PAX4: variants seen among roughly 807,000 people sequenced by gnomAD.
PAX4 encodes the protein paired box 4.
In PAX4, 33 loss-of-function variants were observed where a neutral mutation model predicts 40.6. The observed-to-expected ratio is 0.81, with a 90% CI of 0.62 to 1.09. PAX4 has a LOEUF of 1.09. Among genes scored for constraint, PAX4 ranks in the 50% least tolerant of loss-of-function variants. The pLI is 0.00. For missense variants in PAX4, 459 were observed against 442.5 expected (o/e 1.04, Z -0.33); for synonymous variants, 174 against 170.6 (o/e 1.02, Z -0.16).
chr7:127,614,996 G>A lies in PAX4; in HGVS notation c.244C>T (p.Pro82Ser), dbSNP rs1268605378. The change falls in exon 5 of 12, where the codon CCC becomes TCC. Residue 82 changes from proline (P) to serine (S), a missense_variant. Coordinates refer to ENST00000639438, the MANE Select transcript of PAX4 (RefSeq NM_001366110.1). ...TGGGCAATTCGAGCCACCACAGGGG[G>A]TGTAGCCAGCCGTGGCTTGCTTCCC... ...IGGSKPRLAT[P>S]PVVARIAQLK... 1 of 1,614,078 alleles carries A rather than the reference G, an allele frequency of 6.2e-7. No homozygotes were observed. Among genetic ancestry groups the A allele is most frequent in the Non-Finnish European group, 8.5e-7 (1 of 1,180,044 alleles).
Position 127,615,948 on chromosome 7 carries a change from C to A in PAX4, c.-20G>T, listed in dbSNP as rs1794718542. The A allele has an allele frequency of 6.5e-7, 1 of 1,536,068 alleles. No individual in the cohort carries two copies. The highest frequency in any genetic ancestry group is 2.4e-5 in the East Asian group (1 of 40,902). ...ATGCATGCTCCAGGCTGACCCTCCT[C>A]AGAAGGATGAGACTCCAGCTGGGAA... On this transcript the variant is annotated 5_prime_UTR_variant, in exon 3 of 12. Coordinates refer to ENST00000639438, the MANE Select transcript of PAX4 (RefSeq NM_001366110.1).
chr7:127,614,580 T>C, intron 5 of PAX4, 23 bp from the exon 6 acceptor site: 1 of 1,565,446 alleles, frequency 6.4e-7, no homozygotes, highest in Non-Finnish European at 8.7e-7. Context: ...GGGTGTTGAG[T>C]GGAGAGATGG....
At position 127,611,079 on chromosome 7, in the gene PAX4, C is replaced by T. The variant is rs1046800450; in HGVS notation, c.1041G>A (p.Leu347=). The T allele has an allele frequency of 3.1e-6, 5 of 1,606,470 alleles. No homozygotes were observed. The highest frequency in any genetic ancestry group is 4.3e-6 in the Non-Finnish European group (5 of 1,175,816). The change falls in exon 12 of 12, where the codon CTG becomes CTA. Residue 347 remains leucine, a synonymous_variant. Coordinates refer to ENST00000639438, the MANE Select transcript of PAX4 (RefSeq NM_001366110.1). ...QALLWPGCPL[L]YGLE ...CACTCCTGCCTCATTCCAAGCCATA[C>T]AGTAGTGGGCAGCCAGGCCAGAGCA...
chr7:127,611,436 C>A, intron 11 of PAX4, 99 bp downstream of exon 11: 2 of 1,595,850 alleles, frequency 1.3e-6, no homozygotes, highest in Non-Finnish European at 1.7e-6. Flanking sequence ...TATTGAGATT[C>A]CTTTGATGAC....
chr7:127,614,770 G>A, intron 5 of PAX4, 110 bp downstream of exon 5: 1 of 1,451,962 alleles, frequency 6.9e-7, no homozygotes, highest in Admixed American at 2.0e-5. Flanking sequence ...GAATTGCCCA[G>A]GAGCCCTGTC....
At position 127,613,489 on chromosome 7, in the gene PAX4, C is replaced by T. The variant is rs1794669843; in HGVS notation, c.606G>A (p.Lys202=). The change falls in exon 8 of 12, where the codon AAG becomes AAA. Residue 202 remains lysine, a synonymous_variant. Transcript: ENST00000639438. The part of the protein sequence containing the change: ...GQYPDSVARG[K]LATATSLPED... ...CAGGCAGAGAGGTGGCAGTAGCCAG[C>T]TTTCCACGGGCCACTGAATCAGGAT... 1 of 1,614,132 alleles carries T rather than the reference C, an allele frequency of 6.2e-7. No individual in the cohort carries two copies. The highest frequency in any genetic ancestry group is 1.7e-5 in the Admixed American group (1 of 60,010).
intron 10 of PAX4, 54 bp downstream of exon 10, chr7:127,611,891 C>A (rs1794632101): frequency 6.2e-7 from 1 of 1,611,224 alleles, no homozygotes; most frequent in Non-Finnish European, 8.5e-7. Context: ...AATGGAAGAG[C>A]CCATGAGCCC....
At chr7:127,612,246 G>A (rs142975710) in intron 9 of PAX4, among the ~76,000 whole-genome samples, 3 of 152,334 alleles carry the variant, frequency 2.0e-5, no homozygotes, top group African/African-American at 4.8e-5. Context: ...CTTAAGATCC[G>A]GGACTGTGTG....
At chr7:127,613,942 G>A in intron 6 of PAX4, 61 bp from the exon 7 acceptor site, 1 of 1,599,152 alleles carries the variant, frequency 6.3e-7, no homozygotes, top group South Asian at 1.1e-5. Context: ...GTCAGATGGG[G>A]TCCCTGAGTC....
chr7:127,613,455 C>T lies in PAX4; in HGVS notation c.640G>A (p.Val214Met). The change falls in exon 8 of 12, where the codon GTG (valine) becomes ATG (methionine). Residue 214 changes from valine to methionine, a missense_variant. Coordinates refer to ENST00000639438, the MANE Select transcript of PAX4 (RefSeq NM_001366110.1). ...GTGTTGCAGAGCTCACTCACCCTCA[C>T]CGTGTCCTCAGGCAGAGAGGTGGCA... Reference protein sequence around the residue: ...ATATSLPEDTVRVWFSNRRAK... With the variant: ...ATATSLPEDTMRVWFSNRRAK... The T allele has an allele frequency of 6.8e-6, 11 of 1,614,074 alleles. No homozygotes were observed. Among genetic ancestry groups the T allele is most frequent in the African/African-American group, 1.3e-5 (1 of 75,042 alleles).
rs1554403664 is a variant in PAX4 at position 127,610,575 on chromosome 7, G to GCT, written c.*488_*489insAG. ...TGTGTGTGTGTGTGTGTGTGTGCGC[G>GCT]CACGCATGCACGCATACATAATACA... On this transcript the variant is annotated 3_prime_UTR_variant, in exon 12 of 12. Coordinates refer to ENST00000639438, the MANE Select transcript of PAX4 (RefSeq NM_001366110.1). 1.7e-5 allele frequency: 5 copies of GCT among 294,244 alleles called. No individual in the cohort carries two copies. Among genetic ancestry groups the GCT allele is most frequent in the Admixed American group, 1.3e-4 (2 of 15,706 alleles). The allele number at this position is 294,244 out of a possible 1,614,324, so 18.2% of individuals were successfully genotyped here.
At chr7:127,611,445 A>G (rs1794623575) in intron 11 of PAX4, 90 bp downstream of exon 11, 2 of 1,596,192 alleles carry the variant, frequency 1.3e-6, no homozygotes, top group East Asian at 2.2e-5. Flanking sequence ...TCCTTTGATG[A>G]CCCCCAATGG....
intron 8 of PAX4, 85 bp from the exon 9 acceptor site, chr7:127,613,176 C>A: frequency 8.5e-7 from 1 of 1,178,302 alleles, no homozygotes; most frequent in Non-Finnish European, 1.3e-6. Context: ...CTAGCCTGAA[C>A]TCAGAATGTT....
At chr7:127,614,790 G>A in intron 5 of PAX4, 90 bp downstream of exon 5, 1 of 1,524,042 alleles carries the variant, frequency 6.6e-7, no homozygotes. Flanking sequence ...CACCAGCTTG[G>A]GATGCCCACA....
chr7:127,612,718 A>G (rs1275084982), intron 9 of PAX4, among the ~76,000 whole-genome samples: 4 of 136,368 alleles, frequency 2.9e-5, no homozygotes, highest in South Asian at 2.5e-4. Flanking sequence ...TGAATGGATG[A>G]ATGGATGGAT....
At chr7:127,616,758 A>G (rs1794729291) in intron 2 of PAX4, among the ~76,000 whole-genome samples, 1 of 152,254 alleles carries the variant, frequency 6.6e-6, no homozygotes, top group African/African-American at 2.4e-5. Flanking sequence ...TGTTTCTGGT[A>G]TCAGACACTC....
At position 127,611,139 on chromosome 7, in the gene PAX4, G is replaced by A. The variant is rs1420325786; in HGVS notation, c.981C>T (p.His327=). ...GLLCLPCPSS[H]CHLASLSGSQ... is the part of the protein sequence containing the mutation. ...AGCCACTAAGACTGGCCAGGTGACA[G>A]TGGGAGGAAGGGCAAGGAAGGCAAA... is the stretch of plus-strand genomic sequence containing the variant. The change falls in exon 12 of 12, where the codon CAC becomes CAT. Residue 327 remains histidine (H), a synonymous_variant. Coordinates refer to ENST00000639438, the MANE Select transcript of PAX4 (RefSeq NM_001366110.1). 12 of 1,605,596 alleles carry A rather than the reference G, an allele frequency of 7.5e-6. No homozygotes were observed. The highest frequency in any genetic ancestry group is 1.3e-5 in the African/African-American group (1 of 74,848).
intron 3 of PAX4, 186 bp downstream of exon 3, chr7:127,615,730 C>G (rs1313133496): frequency 3.1e-5 from 46 of 1,500,382 alleles, no homozygotes; most frequent in Non-Finnish European, 4.0e-5. Context: ...GTCTTTGTTC[C>G]TTGCCCATAC....
chr7:127,610,616 A>G lies in PAX4; in HGVS notation c.*448T>C, dbSNP rs1403851944. 3.2e-5 allele frequency: 18 copies of G among 554,928 alleles called. No individual in the cohort carries two copies. The Admixed American group carries it at 4.7e-4, about 14-fold the overall frequency. The allele number at this position is 554,928 out of a possible 1,614,324, so 34.4% of individuals were successfully genotyped here. A position where few individuals can be genotyped will look rare whatever the true frequency, so the allele number is the denominator to read the frequency against. On this transcript the variant is annotated 3_prime_UTR_variant, in exon 12 of 12. Transcript: ENST00000639438. ...ACATAATACACATATAGATGCATACATAGAGTAGGTAAATTGATGCATTGA... is the reference window on the plus strand; with the variant it reads ...ACATAATACACATATAGATGCATACGTAGAGTAGGTAAATTGATGCATTGA...
Sources: allele counts gnomAD v4.1 joint callset (sites outside exome capture counted in the v4.1 genomes callset), GRCh38; gene constraint gnomAD v4.1.1; transcripts MANE v1.5; gene names NCBI Gene and HGNC (gene_info 2026-07-23, HGNC 2026-07-21).